Variants in NCOA2 observed in about 807,000 individuals in gnomAD.
NCOA2 encodes the protein nuclear receptor coactivator 2.
Under a neutral mutation model 145.1 loss-of-function variants are expected in NCOA2, and 21 were observed. The observed-to-expected ratio is 0.14, with a 90% CI of 0.10 to 0.21. The LOEUF is 0.21. Ranked by LOEUF, NCOA2 falls within the 10% of genes least tolerant of loss-of-function variation. NCOA2 has a pLI of 1.00. For missense variants in NCOA2, 1,472 were observed against 1,837.6 expected, an observed-to-expected ratio of 0.80 and a Z score of 3.64; for synonymous variants, 619 against 637.5, an observed-to-expected ratio of 0.97 and a Z score of 0.44.
chr8:70,335,149 A>ATT lies in NCOA2; in HGVS notation c.-76-38350_-76-38349insAA, dbSNP rs1563775969. Among the ~76,000 whole-genome samples the ATT allele has an allele frequency of 7.3e-5, 11 of 149,972 alleles. 1 individual carries two copies. The highest frequency in any genetic ancestry group is 5.9e-4 in the East Asian group (3 of 5,096). ...AAAAAAAAAAAAAAAAAAAAAAAAA[A>ATT]AAAAGATCTCTCCCTATGACCATTT... On this transcript the variant is annotated intron_variant, in intron 1 of 22. Transcript: ENST00000452400.
intron 1 of NCOA2, 21 bp downstream of exon 1, chr8:70,403,679 C>G (rs1427197435): frequency 7.8e-6 from 3 of 384,888 alleles, no homozygotes; most frequent in Non-Finnish European, 1.4e-5. Context: ...CCCTCGCGGC[C>G]CCGGGGGAAG....
chr8:70,277,693 T>C (rs1387009689), intron 2 of NCOA2, among the ~76,000 whole-genome samples: 1 of 152,196 alleles, frequency 6.6e-6, no homozygotes, highest in Non-Finnish European at 1.5e-5. Context: ...TTTATGTGAA[T>C]TTCTTAATTA....
chr8:70,412,607 C>A, the NCOA2 span, among the ~76,000 whole-genome samples: 1 of 139,026 alleles, frequency 7.2e-6, no homozygotes, highest in African/African-American at 2.7e-5. Context: ...AAGATAACAC[C>A]ACTGCACTCC....
intron 4 of NCOA2, among the ~76,000 whole-genome samples, chr8:70,206,364 CTTCT>C (rs972016731): frequency 1.3e-4 from 20 of 151,990 alleles, no homozygotes; most frequent in African/African-American, 4.4e-4. Context: ...CCTCCTGCTC[CTTCT>C]AAGTCTATTT....
intron 2 of NCOA2, among the ~76,000 whole-genome samples, chr8:70,247,107 A>G (rs1822696947): frequency 6.6e-6 from 1 of 152,154 alleles, no homozygotes; most frequent in African/African-American, 2.4e-5. Flanking sequence ...ATAGAAATAA[A>G]TAGGATAGAA....
chr8:70,263,336 T>C (rs1199219271), intron 2 of NCOA2, among the ~76,000 whole-genome samples: 1 of 151,388 alleles, frequency 6.6e-6, no homozygotes, highest in African/African-American at 2.4e-5. Flanking sequence ...AATTTAAAAC[T>C]CATGGATTAT....
Position 70,181,707 on chromosome 8 carries a change from T to C in NCOA2, c.260-6848A>G, listed in dbSNP as rs1815499067. Among the ~76,000 whole-genome samples, 3 of 152,204 alleles carry C rather than the reference T, an allele frequency of 2.0e-5. No individual in the cohort carries two copies. In the South Asian group the frequency reaches 6.2e-4, roughly 31 times the overall value. ...GTGAGTAAAATCACTCACCTAGAAA[T>C]CTACGAATTTTTCAGTAGACTGACG... is the stretch of plus-strand genomic sequence containing the variant. On this transcript the variant is annotated intron_variant, in intron 4 of 22. Transcript: ENST00000452400.
At chr8:70,401,406 T>C (rs1229011849) in intron 1 of NCOA2, among the ~76,000 whole-genome samples, 2 of 152,224 alleles carry the variant, frequency 1.3e-5, no homozygotes, top group Non-Finnish European at 2.9e-5. Flanking sequence ...TACATTTTAC[T>C]CAGACTTTTT....
chr8:70,418,732 T>G, the NCOA2 span, among the ~76,000 whole-genome samples: 1 of 152,202 alleles, frequency 6.6e-6, no homozygotes, highest in Non-Finnish European at 1.5e-5. Flanking sequence ...AAACTACTAT[T>G]ATAGACCACT....
chr8:70,450,521 A>T, the NCOA2 span, among the ~76,000 whole-genome samples: 1 of 145,982 alleles, frequency 6.9e-6, no homozygotes, highest in Non-Finnish European at 1.5e-5. Flanking sequence ...CCAGTGTATG[A>T]TACTTTTGTT....
intron 1 of NCOA2, among the ~76,000 whole-genome samples, chr8:70,341,907 T>C (rs1259289625): frequency 6.6e-6 from 1 of 152,226 alleles, no homozygotes; most frequent in Non-Finnish European, 1.5e-5. Context: ...AAATGCCATA[T>C]TCCATACAAA....
At chr8:70,198,484 A>C (rs1309942290) in intron 4 of NCOA2, among the ~76,000 whole-genome samples, 1 of 152,210 alleles carries the variant, frequency 6.6e-6, no homozygotes, top group African/African-American at 2.4e-5. Flanking sequence ...AGGGAGACTC[A>C]CTGGAGGCTC....
At chr8:70,184,297 C>CA (rs923129857) in intron 4 of NCOA2, among the ~76,000 whole-genome samples, 1 of 152,034 alleles carries the variant, frequency 6.6e-6, no homozygotes, top group Non-Finnish European at 1.5e-5. Context: ...ACCTACTTTA[C>CA]AAAAAAAGTG....
At chr8:70,245,006 C>G (rs1314722335) in intron 2 of NCOA2, 1 of 152,128 alleles carries the variant, frequency 6.6e-6, no homozygotes, top group Non-Finnish European at 1.5e-5. Flanking sequence ...CTGAAACACA[C>G]CTTGTAACTG....
In NCOA2 at chr8:70,298,489, T is replaced by C. The variant is rs973870081; in HGVS notation, c.-76-1689A>G. Among the ~76,000 whole-genome samples, 3 of 152,142 alleles carry C rather than the reference T, an allele frequency of 2.0e-5. No individual in the cohort carries two copies. In the East Asian group the frequency reaches 5.8e-4, roughly 29 times the overall value. The stretch of plus-strand genomic sequence containing the variant: ...TGGATTCCACTCAAGTGGCAGTCAG[T>C]GAATAGTGTGCAATAAACTTAAGTA... On this transcript the variant is annotated intron_variant, in intron 1 of 22. Coordinates refer to ENST00000452400, the MANE Select transcript of NCOA2 (RefSeq NM_006540.4).
In NCOA2 at chr8:70,148,466, G is replaced by A. The variant is rs1231144840; in HGVS notation, c.2412C>T (p.Asp804=). 1.2e-6 allele frequency: 2 copies of A among 1,612,980 alleles called. No homozygotes were observed. Among genetic ancestry groups the A allele is most frequent in the South Asian group, 1.1e-5 (1 of 91,024 alleles). The change falls in exon 12 of 23, where the codon GAC becomes GAT. Residue 804 remains aspartate, a synonymous_variant. Coordinates refer to ENST00000452400, the MANE Select transcript of NCOA2 (RefSeq NM_006540.4). ...EPGDQPGSEL[D]NLEEILDDLQ... ...AATCATCCAAAATCTCCTCCAAGTT[G>A]TCCAGCTCACTGCCAGGCTGTAGTT... is the stretch of plus-strand genomic sequence containing the variant.
At chr8:70,293,753 C>T (rs1217537770) in intron 2 of NCOA2, among the ~76,000 whole-genome samples, 1 of 152,146 alleles carries the variant, frequency 6.6e-6, no homozygotes, top group Non-Finnish European at 1.5e-5. Flanking sequence ...TTTTGATTAT[C>T]AATGCCAAGT....
chr8:70,233,403 C>A (rs866882974), intron 2 of NCOA2, among the ~76,000 whole-genome samples: 12 of 152,194 alleles, frequency 7.9e-5, no homozygotes, highest in Middle Eastern at 3.4e-3. Context: ...GGTTTTACTG[C>A]CAAATGAATT....
At chr8:70,452,104 A>G in the NCOA2 span, among the ~76,000 whole-genome samples, 69 of 152,076 alleles carry the variant, frequency 4.5e-4, no homozygotes, top group Non-Finnish European at 8.8e-4. Context: ...CCTTCCAAGT[A>G]TCTGGGACTA....
Sources: gnomAD v4.1 joint callset for allele counts (sites outside exome capture counted in the v4.1 genomes callset) on GRCh38, gnomAD v4.1.1 for gene constraint, MANE v1.5 for transcripts, NCBI Gene and HGNC (gene_info 2026-07-23, HGNC 2026-07-21) for gene names.